MBNL2: variants seen among roughly 807,000 people sequenced by gnomAD.
MBNL2 encodes the protein muscleblind-like protein 2.
Under a neutral mutation model 41.9 loss-of-function variants are expected in MBNL2, and 17 were observed. The ratio of observed to expected loss-of-function variants is 0.41; its 90% CI spans 0.28 to 0.61. MBNL2 has a LOEUF of 0.61. Among genes scored for constraint, MBNL2 ranks in the 20% least tolerant of loss-of-function variants. MBNL2 has a pLI of 0.35. For missense variants in MBNL2, 336 were observed against 505.6 expected, an observed-to-expected ratio of 0.66 and a Z score of 3.22; for synonymous variants, 195 against 182.9, an observed-to-expected ratio of 1.07 and a Z score of -0.53.
the MBNL2 span, among the ~76,000 whole-genome samples, chr13:97,171,269 T>G: frequency 6.6e-6 from 1 of 152,202 alleles, no homozygotes; most frequent in Non-Finnish European, 1.5e-5. Context: ...GCAAGTGCTA[T>G]TATTGTTAAG....
At chr13:97,170,721 A>C in the MBNL2 span, among the ~76,000 whole-genome samples, 1 of 152,276 alleles carries the variant, frequency 6.6e-6, no homozygotes, top group African/African-American at 2.4e-5. Context: ...AATTCTCAAA[A>C]GGCCAATCTC....
Position 97,334,561 on chromosome 13 carries a change from C to T in MBNL2, c.339+121C>T, listed in dbSNP as rs986544157. ...CTTTGGTTACAATTAAAGCAAATAG[C>T]TTTAAAGCTCAATAGATGAAGGAAA... On this transcript the variant is annotated intron_variant, in intron 3 of 8. Transcript: ENST00000679496. This position sits in a 1 kb window ranked among gnomAD's most constrained non-coding sequence, Gnocchi z 5.3. 1.4e-5 allele frequency: 8 copies of T among 592,200 alleles called. No homozygotes were observed. Among genetic ancestry groups the T allele is most frequent in the African/African-American group, 5.8e-5 (3 of 51,998 alleles). 36.7% of individuals were successfully genotyped at this position (592,200 alleles called of 1,614,324 possible).
rs139631689 is a variant in MBNL2, at chr13:97,352,938, G to A, written c.805-3858G>A. Reference sequence around the variant, plus strand: ...AACAATACACCTAGTATATATCAGTGGTAGATGACCTGGGCTGATGGGGAT... The same window carrying A: ...AACAATACACCTAGTATATATCAGTAGTAGATGACCTGGGCTGATGGGGAT... On this transcript the variant is annotated intron_variant, in intron 5 of 8. Transcript: ENST00000679496. 4.4e-3 allele frequency among the ~76,000 whole-genome samples: 666 copies of A among 152,298 alleles called. 2 individuals are homozygous for A. The highest frequency in any genetic ancestry group is 0.03 in the South Asian group (146 of 4,824).
chr13:97,245,555 G>A (rs1175050888), intron 1 of MBNL2, among the ~76,000 whole-genome samples: 1 of 152,170 alleles, frequency 6.6e-6, no homozygotes, highest in Admixed American at 6.5e-5. Flanking sequence ...TGCAAGGGTG[G>A]TAGGCATTTC....
the MBNL2 span, among the ~76,000 whole-genome samples, chr13:97,143,643 C>A: frequency 6.6e-6 from 1 of 152,172 alleles, no homozygotes; most frequent in Non-Finnish European, 1.5e-5. Context: ...CTTTAACTTA[C>A]GGATTTCCGT....
chr13:97,294,785 C>A (rs933218936), intron 2 of MBNL2, among the ~76,000 whole-genome samples: 4 of 152,126 alleles, frequency 2.6e-5, no homozygotes, highest in African/African-American at 9.7e-5. Flanking sequence ...ATAAAATGTT[C>A]AAATAAGGCA....
intron 8 of MBNL2, among the ~76,000 whole-genome samples, chr13:97,387,757 T>C (rs897866392): frequency 6.6e-6 from 1 of 152,244 alleles, no homozygotes; most frequent in Non-Finnish European, 1.5e-5. Flanking sequence ...ATCTTTTCCA[T>C]GTCTGCAAAA....
chr13:97,290,504 G>A (rs943514903), intron 2 of MBNL2, among the ~76,000 whole-genome samples: 1 of 151,642 alleles, frequency 6.6e-6, no homozygotes, highest in East Asian at 1.9e-4. Flanking sequence ...GTGAAACCCC[G>A]TCTCTACTAA....
chr13:97,309,239 T>C (rs970341879), intron 2 of MBNL2, among the ~76,000 whole-genome samples: 2 of 152,148 alleles, frequency 1.3e-5, no homozygotes, highest in Non-Finnish European at 2.9e-5. Flanking sequence ...AGCACGGAAA[T>C]GAAAAATGTC....
the MBNL2 span, among the ~76,000 whole-genome samples, chr13:97,160,600 A>C: frequency 6.6e-6 from 1 of 152,142 alleles, no homozygotes; most frequent in African/African-American, 2.4e-5. Flanking sequence ...CCATAAAATT[A>C]GGCAGGGAAG....
chr13:97,278,528 A>T (rs546481143), intron 2 of MBNL2, among the ~76,000 whole-genome samples: 3 of 152,292 alleles, frequency 2.0e-5, no homozygotes, highest in South Asian at 4.1e-4. Flanking sequence ...GTGACTATCA[A>T]CTGGGCAACA....
chr13:97,332,618 G>A (rs1400246736), intron 2 of MBNL2, among the ~76,000 whole-genome samples: 1 of 152,184 alleles, frequency 6.6e-6, no homozygotes, highest in Non-Finnish European at 1.5e-5. Context: ...GATGAAGAGA[G>A]AAAAGAGAGA....
chr13:97,336,663 G>A (rs1042512989), intron 3 of MBNL2, among the ~76,000 whole-genome samples: 1 of 152,130 alleles, frequency 6.6e-6, no homozygotes, highest in Non-Finnish European at 1.5e-5. Context: ...CCTCTGGAGG[G>A]AGGGCAGTCC....
chr13:97,292,170 C>T (rs1246286922), intron 2 of MBNL2, among the ~76,000 whole-genome samples: 1 of 140,572 alleles, frequency 7.1e-6, no homozygotes, highest in Non-Finnish European at 1.5e-5. Flanking sequence ...CACTGCACTC[C>T]AGCCTGGGCA....
upstream of MBNL2, among the ~76,000 whole-genome samples, chr13:97,217,784 T>C (rs1487391463): frequency 6.6e-6 from 1 of 152,010 alleles, no homozygotes; most frequent in Non-Finnish European, 1.5e-5. Context: ...TGATTTTGGC[T>C]GAGGTGTGGT....
chr13:97,344,214 A>C (rs974171330), intron 4 of MBNL2, among the ~76,000 whole-genome samples: 1 of 152,248 alleles, frequency 6.6e-6, no homozygotes, highest in African/African-American at 2.4e-5. Context: ...GTTATGAATC[A>C]AACCAAACCT....
chr13:97,344,946 G>T (rs1248724859), intron 4 of MBNL2, among the ~76,000 whole-genome samples: 1 of 152,176 alleles, frequency 6.6e-6, no homozygotes, highest in Non-Finnish European at 1.5e-5. Flanking sequence ...CCTGATGGCT[G>T]GTCCACACCT....
At chr13:97,388,314 C>CATACATAT (rs1555323244) in intron 8 of MBNL2, among the ~76,000 whole-genome samples, 1 of 139,688 alleles carries the variant, frequency 7.2e-6, no homozygotes, top group African/African-American at 2.7e-5. Flanking sequence ...TACATACATA[C>CATACATAT]ATATATATAT....
Position 97,341,879 on chromosome 13 carries a change from G to C in MBNL2, c.340-1137G>C, listed in dbSNP as rs189236010. Reference sequence around the variant, plus strand: ...AGGGTCATAAATAGACAAGAAGAATGTCACCCACAATGTAGAAACAGAGAA... The same window carrying C: ...AGGGTCATAAATAGACAAGAAGAATCTCACCCACAATGTAGAAACAGAGAA... On this transcript the variant is annotated intron_variant, in intron 3 of 8. Coordinates refer to ENST00000679496, the MANE Select transcript of MBNL2 (RefSeq NM_001382683.1). Among the ~76,000 whole-genome samples the C allele has an allele frequency of 1.1e-4, 17 of 152,312 alleles. No homozygotes were observed. In the East Asian group the frequency reaches 3.1e-3, roughly 28 times the overall value.
Sources: allele counts gnomAD v4.1 joint callset (sites outside exome capture counted in the v4.1 genomes callset), GRCh38; gene constraint gnomAD v4.1.1; non-coding constraint Gnocchi (gnomAD v3.1); transcripts MANE v1.5; gene names NCBI Gene and HGNC (gene_info 2026-07-23, HGNC 2026-07-21).